Variants in ZC3H13 observed in about 807,000 individuals in gnomAD.
ZC3H13 encodes zinc finger CCCH domain-containing protein 13.
A neutral mutation model predicts 204.1 loss-of-function variants in ZC3H13; 64 were observed. The observed-to-expected ratio is 0.31, with a 90% CI of 0.26 to 0.39. ZC3H13 has a LOEUF of 0.39. Ranked by LOEUF, ZC3H13 falls within the 10% of genes least tolerant of loss-of-function variation. ZC3H13 has a pLI of 1.00. For synonymous variants in ZC3H13, 667 were observed against 693.7 expected (o/e 0.96, Z 0.60); for missense variants, 1,833 against 2,082.7 (o/e 0.88, Z 2.33).
chr13:46,035,046 T>C (rs1187302029), intron 4 of ZC3H13, among the ~76,000 whole-genome samples: 1 of 152,174 alleles, frequency 6.6e-6, no homozygotes, highest in African/African-American at 2.4e-5. Context: ...CATTCTACAA[T>C]AAAAGAAACC....
chr13:45,962,996 G>A (rs2137785020), intron 17 of ZC3H13: 1 of 985,400 alleles, frequency 1.0e-6, no homozygotes, highest in African/African-American at 1.7e-5. Flanking sequence ...CTGCAGTGAG[G>A]TCAAAAATCA....
At chr13:46,042,111 A>G in intron 4 of ZC3H13, 53 bp downstream of exon 4, 1 of 1,381,868 alleles carries the variant, frequency 7.2e-7, no homozygotes, top group Non-Finnish European at 1.0e-6. Context: ...ATGAAACTCA[A>G]ATTAACAAAT....
At position 45,979,933 on chromosome 13, in the gene ZC3H13, T is replaced by G. The variant is rs200803844; in HGVS notation, c.1792A>C (p.Thr598Pro). Residue 598 changes from threonine (T) to proline (P), a missense_variant, in exon 11 of 19, where the codon ACT becomes CCT. By Grantham distance (38) the Thr-to-Pro change is conservative. This residue lies in a region of ZC3H13 where 1,574 missense variants were observed against 1,757.2 expected (regional missense o/e 0.90). Coordinates refer to ENST00000679008, the MANE Select transcript of ZC3H13 (RefSeq NM_001330564.2). ...SNSNYHDSWE[T>P]RSSYPERDRY... ...TCTCTTTCAGGATAGCTACTTCGAG[T>G]TTCCCAGCTGTCATGATAGTTGCTA... 11 of 1,612,512 alleles carry G rather than the reference T, an allele frequency of 6.8e-6. No individual in the cohort carries two copies. In the East Asian group the frequency reaches 2.2e-4, roughly 33 times the overall value.
chr13:46,038,745 C>T (rs1220511615), intron 4 of ZC3H13, among the ~76,000 whole-genome samples: 1 of 152,034 alleles, frequency 6.6e-6, no homozygotes, highest in Non-Finnish European at 1.5e-5. Flanking sequence ...TAATTAATAC[C>T]TTGCTGGTGG....
chr13:46,018,167 C>T (rs1459813434), intron 5 of ZC3H13, among the ~76,000 whole-genome samples: 1 of 132,424 alleles, frequency 7.6e-6, no homozygotes, highest in Non-Finnish European at 1.6e-5. Context: ...AAAACAGGAG[C>T]TCTTGATGTG....
chr13:46,037,264 T>TA (rs2043268094), intron 4 of ZC3H13, among the ~76,000 whole-genome samples: 1 of 152,154 alleles, frequency 6.6e-6, no homozygotes, highest in African/African-American at 2.4e-5. Context: ...AAAATAAACT[T>TA]AGACCACTGC....
At chr13:46,027,904 A>T (rs145847272) in intron 4 of ZC3H13, among the ~76,000 whole-genome samples, 73 of 152,356 alleles carry the variant, frequency 4.8e-4, no homozygotes, top group African/African-American at 1.7e-3. Flanking sequence ...AACAAGTGAG[A>T]ACAAAAACAG....
intron 4 of ZC3H13, among the ~76,000 whole-genome samples, chr13:46,026,345 G>A (rs1290660887): frequency 1.3e-5 from 2 of 151,934 alleles, no homozygotes; most frequent in Admixed American, 6.6e-5. Context: ...AGAAACTATA[G>A]GATATGGAGT....
intron 11 of ZC3H13, among the ~76,000 whole-genome samples, chr13:45,978,887 C>T (rs1480648885): frequency 1.3e-5 from 2 of 151,972 alleles, no homozygotes; most frequent in Non-Finnish European, 2.9e-5. Context: ...ATTAGGCTTA[C>T]CTTATAAACT....
chr13:46,047,577 A>T (rs1384062942), intron 1 of ZC3H13, among the ~76,000 whole-genome samples: 2 of 149,500 alleles, frequency 1.3e-5, no homozygotes, highest in African/African-American at 5.0e-5. Context: ...AAAATTTCCT[A>T]TGTCTATTTG....
intron 15 of ZC3H13, among the ~76,000 whole-genome samples, chr13:45,967,216 G>A (rs1952165450): frequency 6.6e-6 from 1 of 151,972 alleles, no homozygotes; most frequent in Non-Finnish European, 1.5e-5. Context: ...GGATGTGATG[G>A]TTATTCTTCA....
At chr13:45,979,749 G>C (rs1177121723) in intron 11 of ZC3H13, 64 bp downstream of exon 11, 2 of 1,468,992 alleles carry the variant, frequency 1.4e-6, no homozygotes, top group African/African-American at 2.9e-5. Context: ...ATTGGTAACT[G>C]TTTGAAAAAA....
intron 9 of ZC3H13, 89 bp from the exon 10 acceptor site, chr13:45,985,850 T>C (rs1008486880): frequency 1.7e-6 from 2 of 1,192,786 alleles, no homozygotes; most frequent in Non-Finnish European, 2.3e-6. Flanking sequence ...CTTTAAAAAT[T>C]TTATTATAAT....
Position 45,989,093 on chromosome 13 carries a change from T to C in ZC3H13, c.949A>G (p.Thr317Ala), listed in dbSNP as rs2039779740. ...GAATGATGCTGTCCTGCTGGGGAAG[T>C]AGACCTACAAGGGAAAACAATAACA... The part of the protein sequence containing the change: ...QREKRDKPRS[T>A]SPAGQHHSPI... Residue 317 changes from threonine (T) to alanine (A), a missense_variant, in exon 9 of 19, where the codon ACT becomes GCT. Thr to Ala is a moderately conservative substitution (Grantham distance 58). Around this residue, in one of 5 missense-constraint regions of ZC3H13, gnomAD observed 1,574 missense variants for 1,757.2 expected, o/e 0.90. Coordinates refer to ENST00000679008, the MANE Select transcript of ZC3H13 (RefSeq NM_001330564.2). 1 of 1,612,500 alleles carries C rather than the reference T, an allele frequency of 6.2e-7. No individual in the cohort carries two copies. Among genetic ancestry groups the C allele is most frequent in the Non-Finnish European group, 8.5e-7 (1 of 1,178,656 alleles).
At chr13:45,999,993 T>A (rs183989643) in intron 8 of ZC3H13, among the ~76,000 whole-genome samples, 1 of 152,246 alleles carries the variant, frequency 6.6e-6, no homozygotes, top group East Asian at 1.9e-4. Flanking sequence ...TCTTTTCTTC[T>A]GAGCAATAGG....
intron 1 of ZC3H13, among the ~76,000 whole-genome samples, chr13:46,046,433 C>G (rs891534075): frequency 6.8e-6 from 1 of 146,632 alleles, no homozygotes; most frequent in Admixed American, 7.0e-5. Context: ...CCGAGGCGGG[C>G]GGATCATGAG....
chr13:46,003,128 A>G lies in ZC3H13; in HGVS notation c.944+11T>C, dbSNP rs547879536. On this transcript the variant is annotated intron_variant, in intron 8 of 18. Transcript: ENST00000679008. ...AAGTTAATATTGTTAAAAACATACA[A>G]TCCTACTTACCTTGGCTTGTCTCTC... 6.2e-7 allele frequency: 1 copy of G among 1,606,838 alleles called. No individual in the cohort carries two copies. Among genetic ancestry groups the G allele is most frequent in the African/African-American group, 1.3e-5 (1 of 74,314 alleles).
In ZC3H13 at chr13:46,042,260, A is replaced by G; in HGVS notation, c.243T>C (p.Pro81=). The G allele has an allele frequency of 6.2e-7, 1 of 1,612,680 alleles. No homozygotes were observed. The highest frequency in any genetic ancestry group is 2.2e-5 in the East Asian group (1 of 44,840). ...SSNYRRSPER[P]TGDLRERMKN... ...TCATTCTTTCTCTAAGATCCCCTGTAGGTCTTTCTGGTGACCTTTGAACCA... is the reference window on the plus strand; with the variant it reads ...TCATTCTTTCTCTAAGATCCCCTGTGGGTCTTTCTGGTGACCTTTGAACCA... The change falls in exon 4 of 19, where the codon CCT becomes CCC. Residue 81 remains proline, a synonymous_variant. Transcript: ENST00000679008.
At chr13:45,975,965 AT>A in intron 11 of ZC3H13, 127 bp from the exon 12 acceptor site, 1 of 1,396,136 alleles carries the variant, frequency 7.2e-7, no homozygotes, top group Non-Finnish European at 9.4e-7. Context: ...ACCAAGTAGC[AT>A]ATTTAATTTT....
Sources: allele counts gnomAD v4.1 joint callset (sites outside exome capture counted in the v4.1 genomes callset), GRCh38; gene constraint gnomAD v4.1.1; regional missense constraint gnomAD v4.1.1; transcripts MANE v1.5; gene names NCBI Gene and HGNC (gene_info 2026-07-23, HGNC 2026-07-21).